Variants in STK3 observed in about 807,000 individuals in gnomAD.
The protein encoded by STK3 is serine/threonine kinase 3.
A neutral mutation model predicts 58.0 loss-of-function variants in STK3; 41 were observed. The ratio of observed to expected loss-of-function variants is 0.71; its 90% CI spans 0.55 to 0.92. STK3 has a LOEUF of 0.92. Among genes scored for constraint, STK3 ranks in the 40% least tolerant of loss-of-function variants. The pLI is 0.00. For synonymous variants in STK3, 170 were observed against 191.0 expected (o/e 0.89, Z 0.91); for missense variants, 479 against 602.7 (o/e 0.79, Z 2.15).
At chr8:98,609,821 G>A (rs199812970) in intron 6 of STK3, among the ~76,000 whole-genome samples, 16 of 152,078 alleles carry the variant, frequency 1.1e-4, no homozygotes, top group Non-Finnish European at 1.5e-4. Context: ...TTAACTGGGC[G>A]TGGTGGCGGG....
rs538970252 is a variant in STK3 at position 98,707,271 on chromosome 8, A to G, written c.392T>C (p.Leu131Ser). ...AAAGTGCAAATATTCTAGTCCTTTC[A>G]ATGTAGATTTAAGAATGGTTGCAAT... The part of the protein sequence containing the change: ...DEIATILKST[L>S]KGLEYLHFMR... The change falls in exon 5 of 11, where the codon TTG becomes TCG. Residue 131 changes from leucine to serine, a missense_variant. This residue lies in a region of STK3 where 126 missense variants were observed against 210.1 expected (regional missense o/e 0.60). Transcript: ENST00000419617. 1 of 1,574,974 alleles carries G rather than the reference A, an allele frequency of 6.3e-7. No homozygotes were observed. Among genetic ancestry groups the G allele is most frequent in the Non-Finnish European group, 8.6e-7 (1 of 1,160,830 alleles).
intron 4 of STK3, among the ~76,000 whole-genome samples, chr8:98,723,725 C>T (rs925780689): frequency 5.3e-5 from 8 of 152,010 alleles, no homozygotes; most frequent in Non-Finnish European, 8.8e-5. Flanking sequence ...GACATACGCC[C>T]CCCTTTTCAA....
chr8:98,418,634 T>C (rs1405100743), intron 3 of STK3, among the ~76,000 whole-genome samples: 4 of 152,084 alleles, frequency 2.6e-5, no homozygotes, highest in Non-Finnish European at 4.4e-5. Flanking sequence ...CTGGGCATGA[T>C]AAAGACAAAC....
chr8:98,662,895 C>T (rs1247172603), intron 6 of STK3, among the ~76,000 whole-genome samples: 5 of 151,842 alleles, frequency 3.3e-5, no homozygotes, highest in African/African-American at 1.2e-4. Context: ...GGATTAAAGA[C>T]TTAAATGTTA....
At chr8:98,817,316 T>G (rs1834617615) in intron 1 of STK3, among the ~76,000 whole-genome samples, 1 of 152,078 alleles carries the variant, frequency 6.6e-6, no homozygotes, top group Non-Finnish European at 1.5e-5. Context: ...TAGCTGGGTG[T>G]GGTGGCACAC....
chr8:98,773,945 C>A (rs141694474), intron 2 of STK3, among the ~76,000 whole-genome samples: 2 of 151,982 alleles, frequency 1.3e-5, no homozygotes, highest in Admixed American at 1.3e-4. Context: ...TACAGGCACC[C>A]GCTACCACGC....
At chr8:98,508,510 C>G (rs1824262127) in intron 10 of STK3, among the ~76,000 whole-genome samples, 1 of 151,902 alleles carries the variant, frequency 6.6e-6, no homozygotes, top group African/African-American at 2.4e-5. Context: ...CTAGTGGGTA[C>G]AGGGTTTCTT....
In STK3 at chr8:98,643,909, T is replaced by C. The variant is rs538502829; in HGVS notation, c.685-47740A>G. ...CTGTAGTCCCAGCTACTCAGGTCAA[T>C]GTGGGCTGAAGTGGGAAAATCTCCT... On this transcript the variant is annotated intron_variant, in intron 6 of 10. Transcript: ENST00000419617. Among the ~76,000 whole-genome samples, 120 of 152,210 alleles carry C rather than the reference T, an allele frequency of 7.9e-4. 1 individual carries two copies. The highest frequency in any genetic ancestry group is 2.9e-3 in the African/African-American group (119 of 41,534).
At chr8:98,462,399 C>A (rs914608251) in intron 10 of STK3, among the ~76,000 whole-genome samples, 2 of 152,144 alleles carry the variant, frequency 1.3e-5, no homozygotes, top group African/African-American at 4.8e-5. Context: ...TCCTATTTCC[C>A]ATTTTATCAT....
intron 4 of STK3, among the ~76,000 whole-genome samples, chr8:98,711,871 C>G (rs1031315667): frequency 2.4e-4 from 37 of 152,158 alleles, no homozygotes; most frequent in Non-Finnish European, 2.9e-4. Context: ...AAAATGTTAA[C>G]AGTAGCCAGA....
At chr8:98,606,707 A>G (rs1414165281) in intron 6 of STK3, among the ~76,000 whole-genome samples, 2 of 152,202 alleles carry the variant, frequency 1.3e-5, no homozygotes, top group Non-Finnish European at 2.9e-5. Flanking sequence ...TGGTTGGCAA[A>G]CACATTCACA....
intron 1 of STK3, among the ~76,000 whole-genome samples, chr8:98,900,884 A>G (rs1419276823): frequency 6.6e-6 from 1 of 150,668 alleles, no homozygotes; most frequent in Non-Finnish European, 1.5e-5. Flanking sequence ...CTAGTCTCGA[A>G]CTCCTGGCCT....
chr8:98,660,768 C>T (rs112145237), intron 6 of STK3, among the ~76,000 whole-genome samples: 2 of 152,176 alleles, frequency 1.3e-5, no homozygotes, highest in African/African-American at 2.4e-5. Flanking sequence ...ACTTTCCATC[C>T]AGTATTTGTC....
intron 3 of STK3, among the ~76,000 whole-genome samples, chr8:98,424,223 T>A (rs911583885): frequency 1.3e-5 from 2 of 152,242 alleles, no homozygotes; most frequent in African/African-American, 2.4e-5. Context: ...AAATAACTGA[T>A]GTGCCCCACA....
At chr8:98,679,659 C>G (rs548769249) in intron 6 of STK3, among the ~76,000 whole-genome samples, 2 of 152,288 alleles carry the variant, frequency 1.3e-5, no homozygotes, top group South Asian at 4.1e-4. Context: ...ATGGTAGGTA[C>G]TCAATATATA....
chr8:98,622,677 T>C (rs1393900190), intron 6 of STK3, among the ~76,000 whole-genome samples: 4 of 152,192 alleles, frequency 2.6e-5, no homozygotes, highest in African/African-American at 7.2e-5. Context: ...AATCAACACA[T>C]TTCTATATCT....
At chr8:98,813,987 G>T (rs1425980304) in intron 1 of STK3, among the ~76,000 whole-genome samples, 1 of 152,138 alleles carries the variant, frequency 6.6e-6, no homozygotes. Context: ...CCAGTTCGTT[G>T]TAAGTATTCT....
At chr8:98,806,559 G>T (rs1409003791) in intron 1 of STK3, among the ~76,000 whole-genome samples, 1 of 152,112 alleles carries the variant, frequency 6.6e-6, no homozygotes, top group Non-Finnish European at 1.5e-5. Context: ...TGGAGCTCAA[G>T]TCATTATTCC....
At chr8:98,420,796 T>C (rs1818163606) in intron 3 of STK3, among the ~76,000 whole-genome samples, 1 of 152,218 alleles carries the variant, frequency 6.6e-6, no homozygotes, top group South Asian at 2.1e-4. Flanking sequence ...TCACAAGCAC[T>C]CAGCAATTGG....
Sources: gnomAD v4.1 joint callset for allele counts (sites outside exome capture counted in the v4.1 genomes callset) on GRCh38, gnomAD v4.1.1 for gene constraint, gnomAD v4.1.1 regional missense constraint, MANE v1.5 for transcripts, NCBI Gene and HGNC (gene_info 2026-07-23, HGNC 2026-07-21) for gene names.